The following INSR variants were observed in gnomAD, a reference collection of about 807,000 sequenced individuals.
INSR encodes IR.
Under a neutral mutation model 142.6 loss-of-function variants are expected in INSR, and 67 were observed. That is an observed-to-expected ratio of 0.47 (90% CI 0.39 to 0.58). INSR has a LOEUF of 0.58. Ranked by LOEUF, INSR falls within the 20% of genes least tolerant of loss-of-function variation. INSR has a pLI of 0.00. For missense variants in INSR, 1,248 were observed against 1,833.2 expected, an observed-to-expected ratio of 0.68 and a Z score of 5.83; for synonymous variants, 756 against 743.1, an observed-to-expected ratio of 1.02 and a Z score of -0.28.
At chr19:7,283,084 T>C (rs1176433140) in intron 1 of INSR, among the ~76,000 whole-genome samples, 1 of 152,092 alleles carries the variant, frequency 6.6e-6, no homozygotes, top group Non-Finnish European at 1.5e-5. Flanking sequence ...TGCCAGCTAC[T>C]CAGGAGGCTG....
intron 10 of INSR, chr19:7,152,509 C>T: frequency 1.6e-6 from 1 of 608,946 alleles, no homozygotes; most frequent in Non-Finnish European, 3.0e-6. Flanking sequence ...GTCCATTTTT[C>T]CCCTTTTGTG....
chr19:7,200,984 T>G (rs1320074949), intron 2 of INSR, among the ~76,000 whole-genome samples: 8 of 151,538 alleles, frequency 5.3e-5, no homozygotes, highest in Admixed American at 4.6e-4. Flanking sequence ...CATGGCAAGG[T>G]GCAAAAACCC....
intron 2 of INSR, among the ~76,000 whole-genome samples, chr19:7,244,795 C>T (rs2145158709): frequency 6.6e-6 from 1 of 152,190 alleles, no homozygotes; most frequent in Middle Eastern, 3.4e-3. Flanking sequence ...TTTGCTTCAG[C>T]CTCAAAGAAC....
chr19:7,203,804 C>T lies in INSR; in HGVS notation c.653-19167G>A, dbSNP rs1331148846. Among the ~76,000 whole-genome samples, 6 of 135,950 alleles carry T rather than the reference C, an allele frequency of 4.4e-5. No homozygotes were observed. The Admixed American group carries it at 4.6e-4, about 10-fold the overall frequency. The allele number at this position is 135,950 out of a possible 152,430, so 89.2% of individuals were successfully genotyped here. On this transcript the variant is annotated intron_variant, in intron 2 of 21. Transcript: ENST00000302850. The stretch of plus-strand genomic sequence containing the variant: ...AAAATGCACCTATTTCACATTCCAT[C>T]GTGACAAAAGGGAGACGACTTTTAG...
Position 7,208,131 on chromosome 19 carries a change from A to C in INSR, c.653-23494T>G, listed in dbSNP as rs1006924040. ...GAACTCATCTAAGTCAAAGACAACA[A>C]CACCCTCTGAGATGCTACTGACCTC... On this transcript the variant is annotated intron_variant, in intron 2 of 21. Transcript: ENST00000302850. Among the ~76,000 whole-genome samples the C allele has an allele frequency of 3.3e-5, 5 of 151,970 alleles. No homozygotes were observed. The South Asian group carries it at 6.2e-4, about 19-fold the overall frequency.
rs561628289 is a variant in INSR at position 7,132,102 on chromosome 19, A to C, written c.2842+56T>G. 7 of 1,608,750 alleles carry C rather than the reference A, an allele frequency of 4.4e-6. No individual in the cohort carries two copies. The South Asian group carries it at 4.4e-5, about 10-fold the overall frequency. Reference sequence around the variant, plus strand: ...TCCAAGTCATCCCCTGCAATGTCCCACCATGCTCAGTGCTAAGCACAGCCC... The same window carrying C: ...TCCAAGTCATCCCCTGCAATGTCCCCCCATGCTCAGTGCTAAGCACAGCCC... On this transcript the variant is annotated intron_variant, in intron 14 of 21. Transcript: ENST00000302850.
chr19:7,148,831 G>A (rs1312242580), intron 11 of INSR, among the ~76,000 whole-genome samples: 1 of 151,436 alleles, frequency 6.6e-6, no homozygotes, highest in Non-Finnish European at 1.5e-5. Context: ...GTCTCGCTCT[G>A]TGGCCCAGGC....
At position 7,280,887 on chromosome 19, in the gene INSR, G is replaced by A. The variant is rs1441790867; in HGVS notation, c.100+12905C>T. ...CACTCCAGCCTGGGTGACAGAGCGAGACTCGATCTCCAAAAAAAAAGAAAA... is the reference window on the plus strand; with the variant it reads ...CACTCCAGCCTGGGTGACAGAGCGAAACTCGATCTCCAAAAAAAAAGAAAA... On this transcript the variant is annotated intron_variant, in intron 1 of 21. Coordinates refer to ENST00000302850, the MANE Select transcript of INSR (RefSeq NM_000208.4). Among the ~76,000 whole-genome samples, 4 of 151,906 alleles carry A rather than the reference G, an allele frequency of 2.6e-5. No individual in the cohort carries two copies. In the East Asian group the frequency reaches 7.7e-4, roughly 29 times the overall value.
At chr19:7,231,616 A>G (rs1427702012) in intron 2 of INSR, among the ~76,000 whole-genome samples, 1 of 151,844 alleles carries the variant, frequency 6.6e-6, no homozygotes, top group African/African-American at 2.4e-5. Flanking sequence ...TTGTCTTGAT[A>G]AGAGTTTAAA....
At position 7,143,004 on chromosome 19, in the gene INSR, G is replaced by A. The variant is rs145643501; in HGVS notation, c.2354C>T (p.Ser785Leu). 40 of 1,614,194 alleles carry A rather than the reference G, an allele frequency of 2.5e-5. No homozygotes were observed. The highest frequency in any genetic ancestry group is 1.9e-4 in the African/African-American group (14 of 75,066). ...CTCCGGACTCGTGGGCACGCTGGTC[G>A]AGGAAGTGTTGGGGAAAGCTGCCAC... Reference protein sequence around the residue: ...PTVAAFPNTSSTSVPTSPEEH... With the variant: ...PTVAAFPNTSLTSVPTSPEEH... The change falls in exon 12 of 22, where the codon TCG (serine) becomes TTG (leucine). Residue 785 changes from serine to leucine, a missense_variant. Ser to Leu is a moderately radical substitution (Grantham distance 145). This residue lies in a region of INSR where 1,069 missense variants were observed against 1,654.0 expected (regional missense o/e 0.65). Transcript: ENST00000302850.
intron 2 of INSR, among the ~76,000 whole-genome samples, chr19:7,242,808 T>C (rs1407605845): frequency 2.0e-5 from 3 of 149,148 alleles, no homozygotes; most frequent in African/African-American, 5.0e-5. Context: ...AATATTTGCA[T>C]GTTGTGTACC....
chr19:7,247,852 C>T (rs1311499418), intron 2 of INSR, among the ~76,000 whole-genome samples: 1 of 152,216 alleles, frequency 6.6e-6, no homozygotes, highest in Non-Finnish European at 1.5e-5. Flanking sequence ...TGTCTGTCTG[C>T]ATTGTCTAAA....
At chr19:7,223,219 C>G (rs898599293) in intron 2 of INSR, among the ~76,000 whole-genome samples, 1 of 152,062 alleles carries the variant, frequency 6.6e-6, no homozygotes, top group Non-Finnish European at 1.5e-5. Flanking sequence ...CTGGCTAAAA[C>G]TAAAGAGGTT....
intron 2 of INSR, among the ~76,000 whole-genome samples, chr19:7,260,548 C>T (rs570988445): frequency 1.3e-5 from 2 of 152,282 alleles, no homozygotes; most frequent in African/African-American, 4.8e-5. Flanking sequence ...ATCAGCAGGT[C>T]GCAAGATACA....
rs1427213299 is a variant in INSR at position 7,116,328 on chromosome 19, G to C, written c.*728C>G. The stretch of plus-strand genomic sequence containing the variant: ...GAGAGGGGGATGAGCTCGCACCCTT[G>C]AGAAGAACCTTCATGAGCCAATTCC... On this transcript the variant is annotated 3_prime_UTR_variant, in exon 22 of 22. Transcript: ENST00000302850. 3 of 151,916 alleles carry C rather than the reference G, an allele frequency of 2.0e-5. No homozygotes were observed. Among genetic ancestry groups the C allele is most frequent in the East Asian group, 3.9e-4 (2 of 5,138 alleles). The allele number at this position is 151,916 out of a possible 1,614,324, so 9.4% of individuals were successfully genotyped here.
chr19:7,173,989 C>T (rs990156430), intron 4 of INSR, among the ~76,000 whole-genome samples: 7 of 151,676 alleles, frequency 4.6e-5, no homozygotes, highest in African/African-American at 7.3e-5. Context: ...TTGTTAAAAA[C>T]GACGATTCCA....
At chr19:7,189,664 C>CTTT (rs35476514) in intron 2 of INSR, among the ~76,000 whole-genome samples, 4 of 141,570 alleles carry the variant, frequency 2.8e-5, no homozygotes, top group Non-Finnish European at 6.2e-5. Flanking sequence ...TTTACTATTA[C>CTTT]TTTTTTTTTT....
intron 2 of INSR, among the ~76,000 whole-genome samples, chr19:7,185,571 G>T (rs1479346703): frequency 6.6e-6 from 1 of 152,012 alleles, no homozygotes; most frequent in Non-Finnish European, 1.5e-5. Context: ...GGCTCGGTGT[G>T]GTGGCTCACG....
chr19:7,261,908 T>G (rs529845597), intron 2 of INSR, among the ~76,000 whole-genome samples: 1 of 152,148 alleles, frequency 6.6e-6, no homozygotes, highest in Admixed American at 6.6e-5. Context: ...GGGGTGGATG[T>G]TGCTCGGAAT....
Sources: gnomAD v4.1 joint callset for allele counts (sites outside exome capture counted in the v4.1 genomes callset) on GRCh38, gnomAD v4.1.1 for gene constraint, gnomAD v4.1.1 regional missense constraint, MANE v1.5 for transcripts, NCBI Gene and HGNC (gene_info 2026-07-23, HGNC 2026-07-21) for gene names.